Variants in LYPD6B observed in about 807,000 individuals in gnomAD.
The protein encoded by LYPD6B is ly6/PLAUR domain-containing protein 6B.
Under a neutral mutation model 22.8 loss-of-function variants are expected in LYPD6B, and 17 were observed. The observed-to-expected ratio is 0.75, with a 90% confidence interval of 0.51 to 1.12. The LOEUF (loss-of-function observed/expected upper bound fraction) is 1.12. LYPD6B is among the 50% of genes most tolerant of loss of function. The pLI is 0.00. For missense variants in LYPD6B, 221 were observed against 258.3 expected (o/e 0.86, Z 0.99); for synonymous variants, 106 against 91.6 (o/e 1.16, Z -0.90).
At chr2:149,070,430 C>G (rs1193556116) in intron 1 of LYPD6B, among the ~76,000 whole-genome samples, 3 of 152,174 alleles carry the variant, frequency 2.0e-5, no homozygotes, top group Admixed American at 6.5e-5. Flanking sequence ...ATCTAACACA[C>G]TATAAAATTT....
intron 1 of LYPD6B, among the ~76,000 whole-genome samples, chr2:149,110,931 T>C (rs1559003469): frequency 6.6e-6 from 1 of 152,128 alleles, no homozygotes; most frequent in Non-Finnish European, 1.5e-5. Context: ...TGGGAAGAAC[T>C]CTCGAAAAGG....
intron 1 of LYPD6B, among the ~76,000 whole-genome samples, chr2:149,104,562 T>A (rs1574973893): frequency 6.6e-6 from 1 of 152,238 alleles, no homozygotes. Context: ...ATTTAAAAAT[T>A]TGGATTGTTT....
chr2:149,123,973 C>T (rs1236600731), intron 1 of LYPD6B, among the ~76,000 whole-genome samples: 1 of 152,202 alleles, frequency 6.6e-6, no homozygotes, highest in African/African-American at 2.4e-5. Flanking sequence ...AAATGTAATA[C>T]TCACCTGATG....
chr2:149,189,152 T>A (rs229339), intron 3 of LYPD6B, among the ~76,000 whole-genome samples: 14,958 of 151,646 alleles, frequency 0.099, 981 homozygotes, highest in African/African-American at 0.18. Flanking sequence ...AGAGTGAGAA[T>A]TCTCAGGCCT....
At chr2:149,039,527 G>A (rs1049181732) in intron 1 of LYPD6B, among the ~76,000 whole-genome samples, 1 of 152,224 alleles carries the variant, frequency 6.6e-6, no homozygotes, top group Non-Finnish European at 1.5e-5. Flanking sequence ...TTAAATTCCA[G>A]TAACTAGCTG....
chr2:149,065,075 C>G (rs1231371989), intron 1 of LYPD6B, among the ~76,000 whole-genome samples: 15 of 152,212 alleles, frequency 9.9e-5, no homozygotes, highest in Admixed American at 9.8e-4. Flanking sequence ...AGGGCAGGGA[C>G]TGCCTGAACT....
intron 1 of LYPD6B, among the ~76,000 whole-genome samples, chr2:149,067,058 G>A (rs1462614063): frequency 2.0e-5 from 3 of 152,148 alleles, no homozygotes; most frequent in South Asian, 4.1e-4. Flanking sequence ...GAGAATATGT[G>A]GTATTTGGTT....
At chr2:149,147,100 C>T (rs75308239) in intron 2 of LYPD6B, among the ~76,000 whole-genome samples, 3 of 152,244 alleles carry the variant, frequency 2.0e-5, no homozygotes, top group East Asian at 3.9e-4. Context: ...GTTCCCAGAG[C>T]GTTGACTCAG....
intron 3 of LYPD6B, among the ~76,000 whole-genome samples, chr2:149,169,229 C>T (rs1690654032): frequency 6.6e-6 from 1 of 152,134 alleles, no homozygotes; most frequent in African/African-American, 2.4e-5. Context: ...TCAACACACA[C>T]ATCACACTCA....
At chr2:149,158,460 C>G (rs1486177184) in intron 2 of LYPD6B, among the ~76,000 whole-genome samples, 1 of 152,032 alleles carries the variant, frequency 6.6e-6, no homozygotes, top group East Asian at 1.9e-4. Context: ...TATGACGTAC[C>G]TAGAATAGTC....
intron 4 of LYPD6B, chr2:149,206,050 G>C: frequency 2.1e-6 from 1 of 466,750 alleles, no homozygotes; most frequent in South Asian, 1.6e-5. Flanking sequence ...TACTTTATTA[G>C]AGAGTGATTC....
chr2:149,048,671 A>G (rs142309641), intron 1 of LYPD6B, among the ~76,000 whole-genome samples: 2 of 152,258 alleles, frequency 1.3e-5, no homozygotes, highest in African/African-American at 2.4e-5. Flanking sequence ...TGAGAAGGTT[A>G]TGATCTTGTG....
At chr2:149,173,989 G>A (rs143990413) in intron 3 of LYPD6B, among the ~76,000 whole-genome samples, 7 of 152,250 alleles carry the variant, frequency 4.6e-5, no homozygotes, top group East Asian at 1.9e-4. Context: ...TGGGCAGTAC[G>A]GCCATTTTCA....
At chr2:149,204,956 G>A (rs1244710315) in intron 3 of LYPD6B, 1 of 276,950 alleles carries the variant, frequency 3.6e-6, no homozygotes, top group Non-Finnish European at 6.7e-6. Context: ...CGCAGTCACT[G>A]AGGGAATGGG....
At chr2:149,180,687 G>A (rs11684511) in intron 3 of LYPD6B, among the ~76,000 whole-genome samples, 46,620 of 152,090 alleles carry the variant, frequency 0.31, 8,986 homozygotes, top group East Asian at 0.55. Flanking sequence ...GCCCAGCCTC[G>A]CTGCCTGTGG....
At chr2:149,070,464 C>G (rs2105354494) in intron 1 of LYPD6B, among the ~76,000 whole-genome samples, 1 of 152,250 alleles carries the variant, frequency 6.6e-6, no homozygotes, top group Admixed American at 6.5e-5. Context: ...TTATTGATCT[C>G]CTTCCCCCCT....
At chr2:149,207,693 T>C (rs1693588622) in intron 4 of LYPD6B, among the ~76,000 whole-genome samples, 1 of 152,120 alleles carries the variant, frequency 6.6e-6, no homozygotes, top group Non-Finnish European at 1.5e-5. Flanking sequence ...AATTGACATA[T>C]ATCAGATGAG....
At chr2:149,068,665 T>C in intron 1 of LYPD6B, 1 of 545,268 alleles carries the variant, frequency 1.8e-6, no homozygotes, top group Non-Finnish European at 3.7e-6. Flanking sequence ...CTACCTTTTG[T>C]CCCTTCTTAA....
At chr2:149,046,238 T>C (rs1159883565) in intron 1 of LYPD6B, among the ~76,000 whole-genome samples, 1 of 152,204 alleles carries the variant, frequency 6.6e-6, no homozygotes, top group African/African-American at 2.4e-5. Context: ...AATGTTTGCA[T>C]TGTATATCTT....
Sources: allele counts gnomAD v4.1 joint callset (sites outside exome capture counted in the v4.1 genomes callset), GRCh38; gene constraint gnomAD v4.1.1; transcripts MANE v1.5; gene names NCBI Gene and HGNC (gene_info 2026-07-23, HGNC 2026-07-21).